The following CFAP61 variants were observed in gnomAD, a reference collection of about 807,000 sequenced individuals.
CFAP61 encodes the protein cilia and flagella associated protein 61, also known as cilia- and flagella-associated protein 61.
Under a neutral mutation model 135.6 loss-of-function variants are expected in CFAP61, and 107 were observed. The observed-to-expected ratio is 0.79, with a 90% CI of 0.67 to 0.93. The LOEUF (loss-of-function observed/expected upper bound fraction) is 0.93, where lower values mean the gene tolerates loss of function less well. CFAP61 is among the 40% of genes least tolerant of loss of function. The pLI is 0.00. For synonymous variants in CFAP61, 575 were observed against 578.5 expected, an observed-to-expected ratio of 0.99 and a Z score of 0.09; for missense variants, 1,507 against 1,556.2, an observed-to-expected ratio of 0.97 and a Z score of 0.53.
At chr20:20,146,594 T>C (rs747740439) in intron 9 of CFAP61, among the ~76,000 whole-genome samples, 1 of 152,216 alleles carries the variant, frequency 6.6e-6, no homozygotes, top group Non-Finnish European at 1.5e-5. Flanking sequence ...CTGTAAAAAT[T>C]ATATATCTTG....
intron 1 of CFAP61, 186 bp downstream of exon 1, chr20:20,052,777 AG>A: frequency 6.6e-7 from 1 of 1,505,946 alleles, no homozygotes; most frequent in East Asian, 2.4e-5. Flanking sequence ...CGGGGGAAGA[AG>A]GGAGAGCGAG....
chr20:20,298,193 G>A lies in CFAP61; in HGVS notation c.3229G>A (p.Val1077Ile). Residue 1077 changes from valine to isoleucine, a missense_variant, in exon 25 of 27, where the codon GTA becomes ATA. Coordinates refer to ENST00000245957, the MANE Select transcript of CFAP61 (RefSeq NM_015585.4). ...ATCCCTCCTCCAGGGTTTAGAACTA[G>A]TAACCGGCAGTGCGAAAAATGGGAC... ...MAQPNYGLEL[V>I]TGSAKNGTYF... is the part of the protein sequence containing the mutation. 6.2e-7 allele frequency: 1 copy of A among 1,613,394 alleles called. No individual in the cohort carries two copies. Among genetic ancestry groups the A allele is most frequent in the Non-Finnish European group, 8.5e-7 (1 of 1,179,340 alleles).
intron 21 of CFAP61, among the ~76,000 whole-genome samples, chr20:20,268,460 G>A (rs1210065331): frequency 4.6e-5 from 7 of 152,210 alleles, no homozygotes; most frequent in Non-Finnish European, 5.9e-5. Context: ...TACCACCCCA[G>A]AGAGTAGCTC....
At chr20:20,244,606 C>T (rs897144414) in intron 18 of CFAP61, among the ~76,000 whole-genome samples, 4 of 152,230 alleles carry the variant, frequency 2.6e-5, no homozygotes, top group African/African-American at 9.6e-5. Context: ...CCTCCTGGGC[C>T]TCCAGGCCTA....
At chr20:20,124,157 C>T (rs1258444822) in intron 8 of CFAP61, among the ~76,000 whole-genome samples, 3 of 151,446 alleles carry the variant, frequency 2.0e-5, no homozygotes, top group South Asian at 2.1e-4. Flanking sequence ...TTAGGGTTTT[C>T]GAGGTAAACA....
chr20:20,082,644 A>G (rs183897672), intron 6 of CFAP61, among the ~76,000 whole-genome samples: 2 of 152,296 alleles, frequency 1.3e-5, no homozygotes, highest in East Asian at 1.9e-4. Flanking sequence ...CTTTCAAACA[A>G]TGTTGTGAAA....
intron 22 of CFAP61, among the ~76,000 whole-genome samples, chr20:20,278,565 C>A (rs901437280): frequency 2.6e-5 from 4 of 152,108 alleles, no homozygotes; most frequent in Admixed American, 2.0e-4. Flanking sequence ...ATAAAGAATG[C>A]CTGCTAACAT....
At chr20:20,352,837 G>A (rs1189656004) in intron 26 of CFAP61, among the ~76,000 whole-genome samples, 3 of 152,176 alleles carry the variant, frequency 2.0e-5, no homozygotes, top group Admixed American at 6.5e-5. Flanking sequence ...AAACAGACAA[G>A]TGGGTCTACA....
intron 2 of CFAP61, among the ~76,000 whole-genome samples, chr20:20,060,077 GAAA>G (rs11354098): frequency 2.0e-5 from 3 of 148,080 alleles, no homozygotes; most frequent in African/African-American, 7.4e-5. Context: ...AACAGAGGGG[GAAA>G]AAAAAAAAAC....
intron 20 of CFAP61, among the ~76,000 whole-genome samples, chr20:20,256,053 A>G (rs937537573): frequency 1.3e-5 from 2 of 152,134 alleles, no homozygotes; most frequent in Admixed American, 1.3e-4. Flanking sequence ...CCCAGGCCCC[A>G]CTGATCCCAG....
At position 20,110,110 on chromosome 20, in the gene CFAP61, G is replaced by A. The variant is rs1477075977; in HGVS notation, c.859+11296G>A. The stretch of plus-strand genomic sequence containing the variant: ...TTTAGTAGAGACGGGGTTTCACCGT[G>A]TTGGCCAGGCTGGTCTCGAACTCCT... On this transcript the variant is annotated intron_variant, in intron 8 of 26. Coordinates refer to ENST00000245957, the MANE Select transcript of CFAP61 (RefSeq NM_015585.4). Among the ~76,000 whole-genome samples the A allele has an allele frequency of 3.9e-5, 6 of 152,026 alleles. No homozygotes were observed. In the East Asian group the frequency reaches 1.2e-3, roughly 29 times the overall value.
Position 20,277,301 on chromosome 20 carries a change from A to G in CFAP61, c.2639A>G (p.Tyr880Cys). The change falls in exon 22 of 27, where the codon TAC becomes TGC. Residue 880 changes from tyrosine (Y) to cysteine (C), a missense_variant. Tyr to Cys is a radical substitution (Grantham distance 194). Transcript: ENST00000245957. ...PASTITCINN[Y>C]SVESAVADAL... ...TCCACCATCACCTGCATCAACAACT[A>G]CTCGGTGGAGAGCGCCGTGGCGGAC... is the stretch of plus-strand genomic sequence containing the variant. The G allele has an allele frequency of 6.2e-7, 1 of 1,613,850 alleles. No homozygotes were observed. The highest frequency in any genetic ancestry group is 1.1e-5 in the South Asian group (1 of 91,042).
intron 13 of CFAP61, among the ~76,000 whole-genome samples, chr20:20,176,051 A>G (rs566277149): frequency 3.3e-5 from 5 of 152,192 alleles, no homozygotes; most frequent in African/African-American, 7.2e-5. Context: ...AGGACCATGA[A>G]CAGACACTTC....
intron 17 of CFAP61, among the ~76,000 whole-genome samples, chr20:20,203,104 G>T (rs56903708): frequency 0.013 from 1,929 of 152,110 alleles, 35 homozygotes; most frequent in African/African-American, 0.044. Context: ...TGGTTTGGAC[G>T]ATCAGTGTCC....
chr20:20,263,957 AATTT>A (rs1208968598), intron 21 of CFAP61, among the ~76,000 whole-genome samples: 1 of 152,158 alleles, frequency 6.6e-6, no homozygotes, highest in Non-Finnish European at 1.5e-5. Context: ...TAAACATGCT[AATTT>A]ATTTAATACA....
At chr20:20,168,605 T>C (rs1038063880) in intron 12 of CFAP61, among the ~76,000 whole-genome samples, 2 of 152,234 alleles carry the variant, frequency 1.3e-5, no homozygotes, top group African/African-American at 2.4e-5. Context: ...TGGAATTAAG[T>C]ATCCATTTTT....
intron 25 of CFAP61, among the ~76,000 whole-genome samples, chr20:20,308,121 A>G (rs1203787956): frequency 6.6e-6 from 1 of 152,206 alleles, no homozygotes; most frequent in African/African-American, 2.4e-5. Flanking sequence ...AGTGGCGACC[A>G]TATCAGACAG....
chr20:20,160,667 A>G (rs941079802), intron 10 of CFAP61, among the ~76,000 whole-genome samples: 19 of 152,336 alleles, frequency 1.2e-4, no homozygotes, highest in Admixed American at 1.1e-3. Flanking sequence ...AAGAGAAAGC[A>G]CGATGTAGGC....
chr20:20,332,815 C>A lies in CFAP61; in HGVS notation c.3423-9016C>A, dbSNP rs2058051499. ...TTTTAATTTTTGTAGAGACAAGCGT[C>A]TCCCTATGTTGCCCAGACTGGTCTC... On this transcript the variant is annotated intron_variant, in intron 25 of 26. Transcript: ENST00000245957. Among the ~76,000 whole-genome samples the A allele has an allele frequency of 2.0e-5, 3 of 152,126 alleles. No individual in the cohort carries two copies. In the South Asian group the frequency reaches 6.2e-4, roughly 32 times the overall value.
Sources: gnomAD v4.1 joint callset for allele counts (sites outside exome capture counted in the v4.1 genomes callset) on GRCh38, gnomAD v4.1.1 for gene constraint, MANE v1.5 for transcripts, NCBI Gene and HGNC (gene_info 2026-07-23, HGNC 2026-07-21) for gene names.